Variants in DOK5 observed in about 807,000 individuals in gnomAD.
DOK5 encodes the protein docking protein 5.
A neutral mutation model predicts 43.3 loss-of-function variants in DOK5; 27 were observed. The observed-to-expected ratio is 0.62, with a 90% CI of 0.46 to 0.86. The LOEUF (loss-of-function observed/expected upper bound fraction) is 0.86, where lower values mean the gene tolerates loss of function less well. Among genes scored for constraint, DOK5 ranks in the 40% least tolerant of loss-of-function variants. The probability of loss-of-function intolerance (pLI) is 0.00; values close to 1 mark genes in which losing one functional copy is unlikely to be tolerated. For synonymous variants in DOK5, 146 were observed against 140.1 expected (o/e 1.04, Z -0.30); for missense variants, 373 against 392.9 (o/e 0.95, Z 0.43).
At chr20:54,563,675 T>C (rs962145034) in intron 2 of DOK5, among the ~76,000 whole-genome samples, 1 of 150,974 alleles carries the variant, frequency 6.6e-6, no homozygotes, top group Non-Finnish European at 1.5e-5. Flanking sequence ...TTTTTTTTTT[T>C]TTTTTTTTTT....
At chr20:54,530,342 C>T (rs981500923) in intron 1 of DOK5, among the ~76,000 whole-genome samples, 1 of 152,164 alleles carries the variant, frequency 6.6e-6, no homozygotes, top group Admixed American at 6.5e-5. Flanking sequence ...ACAGAAGCAA[C>T]CTGCAAAGCT....
At chr20:54,542,111 C>G (rs1034628693) in intron 1 of DOK5, among the ~76,000 whole-genome samples, 10 of 151,502 alleles carry the variant, frequency 6.6e-5, no homozygotes, top group African/African-American at 2.2e-4. Context: ...CACACACACA[C>G]ACACACACAC....
intron 5 of DOK5, among the ~76,000 whole-genome samples, chr20:54,609,829 C>T (rs1489596887): frequency 6.6e-6 from 1 of 151,902 alleles, no homozygotes; most frequent in East Asian, 1.9e-4. Context: ...CAGTCATGCT[C>T]ATTGAAAAAA....
At chr20:54,621,014 A>G (rs898793318) in intron 6 of DOK5, among the ~76,000 whole-genome samples, 10 of 152,254 alleles carry the variant, frequency 6.6e-5, no homozygotes, top group Admixed American at 5.9e-4. Context: ...GAGGAGATTC[A>G]TGTATAGTAA....
chr20:54,640,622 C>T (rs1432238987), intron 6 of DOK5, among the ~76,000 whole-genome samples: 2 of 152,244 alleles, frequency 1.3e-5, no homozygotes, highest in African/African-American at 4.8e-5. Flanking sequence ...CCGTTCTCCT[C>T]TTCAAAACGC....
intron 6 of DOK5, among the ~76,000 whole-genome samples, chr20:54,628,364 G>A (rs1600749737): frequency 8.1e-6 from 1 of 123,842 alleles, no homozygotes. Flanking sequence ...AGCCGAGATC[G>A]CGCCACTGCA....
intron 5 of DOK5, 65 bp from the exon 6 acceptor site, chr20:54,610,323 G>T: frequency 1.4e-6 from 2 of 1,415,204 alleles, no homozygotes; most frequent in South Asian, 3.6e-5. Context: ...AGTATGCCAG[G>T]ATCTTGGTGC....
chr20:54,496,495 C>T (rs1325342447), intron 1 of DOK5, among the ~76,000 whole-genome samples: 2 of 152,116 alleles, frequency 1.3e-5, no homozygotes, highest in African/African-American at 4.8e-5. Context: ...GAGCTGAGCA[C>T]GGTGGCTCAT....
At chr20:54,479,144 G>C (rs993261667) in intron 1 of DOK5, among the ~76,000 whole-genome samples, 2 of 152,130 alleles carry the variant, frequency 1.3e-5, no homozygotes, top group Admixed American at 1.3e-4. Flanking sequence ...TCACAGATAA[G>C]TGGTCACCTT....
chr20:54,481,576 G>A (rs1443449500), intron 1 of DOK5, among the ~76,000 whole-genome samples: 2 of 151,920 alleles, frequency 1.3e-5, no homozygotes, highest in African/African-American at 4.8e-5. Flanking sequence ...TATTGCCTAT[G>A]TACTGCCAAG....
At chr20:54,614,355 C>T (rs1018781991) in intron 6 of DOK5, among the ~76,000 whole-genome samples, 3 of 151,990 alleles carry the variant, frequency 2.0e-5, no homozygotes, top group Non-Finnish European at 4.4e-5. Flanking sequence ...GAGGGGAATG[C>T]GAGAGAGAGT....
At position 54,531,225 on chromosome 20, in the gene DOK5, T is replaced by C. The variant is rs147326578; in HGVS notation, c.67-23708T>C. ...AGTGTCACTCCACTTTCATATATTATGTGGTATTGGAAAAGCCTTTCACTG... is the reference window on the plus strand; with the variant it reads ...AGTGTCACTCCACTTTCATATATTACGTGGTATTGGAAAAGCCTTTCACTG... On this transcript the variant is annotated intron_variant, in intron 1 of 7. Transcript: ENST00000262593. Among the ~76,000 whole-genome samples, 561 of 152,340 alleles carry C rather than the reference T, an allele frequency of 3.7e-3. 7 individuals are homozygous for C. The highest frequency in any genetic ancestry group is 0.025 in the East Asian group (131 of 5,186).
intron 2 of DOK5, among the ~76,000 whole-genome samples, chr20:54,582,734 A>G (rs1985680515): frequency 6.6e-6 from 1 of 151,874 alleles, no homozygotes; most frequent in Admixed American, 6.5e-5. Context: ...CATCAGAAGT[A>G]GTATCTCCTT....
intron 6 of DOK5, among the ~76,000 whole-genome samples, chr20:54,632,671 G>A (rs1432506242): frequency 6.6e-6 from 1 of 152,204 alleles, no homozygotes; most frequent in South Asian, 2.1e-4. Context: ...TACCACCGTG[G>A]AAAATTTCCC....
intron 6 of DOK5, among the ~76,000 whole-genome samples, chr20:54,623,668 C>A (rs182112760): frequency 6.6e-6 from 1 of 152,234 alleles, no homozygotes; most frequent in African/African-American, 2.4e-5. Flanking sequence ...CAACCTCCAT[C>A]TCCTGGGTTC....
intron 1 of DOK5, among the ~76,000 whole-genome samples, chr20:54,496,343 A>T (rs750383555): frequency 8.5e-5 from 13 of 152,228 alleles, no homozygotes; most frequent in Non-Finnish European, 1.3e-4. Flanking sequence ...ACTAACAGGA[A>T]GAATATAAGG....
intron 1 of DOK5, among the ~76,000 whole-genome samples, chr20:54,543,561 GTGTGTGTGTA>G (rs1984238073): frequency 6.6e-6 from 1 of 151,510 alleles, no homozygotes; most frequent in Admixed American, 6.6e-5. Flanking sequence ...GTGTGTGTGT[GTGTGTGTGTA>G]TGTGTGTGTG....
chr20:54,599,636 A>C (rs1199623883), intron 5 of DOK5, among the ~76,000 whole-genome samples: 2 of 152,222 alleles, frequency 1.3e-5, no homozygotes, highest in Non-Finnish European at 2.9e-5. Flanking sequence ...CTTGAAAGAA[A>C]GGATGACTTT....
intron 6 of DOK5, among the ~76,000 whole-genome samples, chr20:54,623,914 G>A (rs575297498): frequency 1.3e-5 from 2 of 152,180 alleles, no homozygotes; most frequent in South Asian, 4.1e-4. Flanking sequence ...ACCAATATGA[G>A]TTGGGCGAGG....
Sources: allele counts gnomAD v4.1 joint callset (sites outside exome capture counted in the v4.1 genomes callset), GRCh38; gene constraint gnomAD v4.1.1; transcripts MANE v1.5; gene names NCBI Gene and HGNC (gene_info 2026-07-23, HGNC 2026-07-21).